NRG3: variants seen among roughly 807,000 people sequenced by gnomAD.
NRG3 encodes pro-neuregulin-3, membrane-bound isoform.
A neutral mutation model predicts 66.9 loss-of-function variants in NRG3; 31 were observed. The observed-to-expected ratio is 0.46, with a 90% CI of 0.35 to 0.63. NRG3 has a LOEUF of 0.63. Ranked by LOEUF, NRG3 falls within the 20% of genes least tolerant of loss-of-function variation. NRG3 has a pLI of 0.00. For synonymous variants in NRG3, 393 were observed against 359.4 expected (o/e 1.09, Z -1.06); for missense variants, 910 against 878.9 (o/e 1.04, Z -0.45).
intron 2 of NRG3, among the ~76,000 whole-genome samples, chr10:82,435,859 G>A (rs1206400544): frequency 6.8e-6 from 1 of 147,972 alleles, no homozygotes; most frequent in Non-Finnish European, 1.5e-5. Context: ...GGTTTTGAGT[G>A]AGTTTCTTAA....
intron 1 of NRG3, among the ~76,000 whole-genome samples, chr10:82,220,764 A>G (rs1556734): frequency 0.11 from 16,709 of 152,206 alleles, 1,021 homozygotes; most frequent in Middle Eastern, 0.18. Context: ...AGTCCTAGCT[A>G]CTAGGGAGAC....
intron 2 of NRG3, among the ~76,000 whole-genome samples, chr10:82,648,219 A>T: frequency 6.6e-6 from 1 of 152,214 alleles, no homozygotes; most frequent in East Asian, 1.9e-4. Context: ...AGCTTTCTAC[A>T]TATGGCTAGC....
chr10:82,814,736 A>G (rs976646192), intron 3 of NRG3, among the ~76,000 whole-genome samples: 4 of 152,216 alleles, frequency 2.6e-5, no homozygotes, highest in African/African-American at 9.6e-5. Flanking sequence ...TATTTTCTGT[A>G]TAATTTAAAA....
At chr10:82,875,854 A>C (rs1841773788) in intron 4 of NRG3, among the ~76,000 whole-genome samples, 3 of 152,232 alleles carry the variant, frequency 2.0e-5, no homozygotes, top group Admixed American at 2.0e-4. Flanking sequence ...AGTCATTAAC[A>C]CATATTGGTA....
intron 4 of NRG3, among the ~76,000 whole-genome samples, chr10:82,917,986 A>G (rs1392547811): frequency 2.5e-5 from 3 of 121,506 alleles, no homozygotes; most frequent in Admixed American, 8.8e-5. Flanking sequence ...ATATATATAT[A>G]TATATATGTA....
At chr10:82,764,781 A>G (rs2059456998) in intron 3 of NRG3, among the ~76,000 whole-genome samples, 1 of 152,208 alleles carries the variant, frequency 6.6e-6, no homozygotes, top group Non-Finnish European at 1.5e-5. Context: ...ATAAGATAGT[A>G]TAAGATGCTG....
chr10:82,731,382 A>AAG (rs66505120), intron 2 of NRG3, among the ~76,000 whole-genome samples: 64,616 of 145,788 alleles, frequency 0.44, 15,744 homozygotes, highest in East Asian at 0.64. Context: ...AAAAAAAAAA[A>AAG]AAAAGAAAAT....
At chr10:82,218,205 G>A (rs1372316939) in intron 1 of NRG3, among the ~76,000 whole-genome samples, 1 of 152,064 alleles carries the variant, frequency 6.6e-6, no homozygotes, top group East Asian at 1.9e-4. Flanking sequence ...ACGAAATAAG[G>A]CTATTTTATA....
At position 81,921,234 on chromosome 10, in the gene NRG3, A is replaced by C. The variant is rs564755715; in HGVS notation, c.823+45071A>C. Among the ~76,000 whole-genome samples, 152 of 152,056 alleles carry C rather than the reference A, an allele frequency of 1.0e-3. 1 individual carries two copies. Among genetic ancestry groups the C allele is most frequent in the African/African-American group, 3.5e-3 (145 of 41,522 alleles). On this transcript the variant is annotated intron_variant, in intron 1 of 8. Coordinates refer to ENST00000372141, the MANE Select transcript of NRG3 (RefSeq NM_001010848.4). ...GGGATTCCATCATATTGTCATGCTA[A>C]TCTCCACTAATTATAATTGCTAATT...
chr10:82,784,094 A>G (rs959919820), intron 3 of NRG3, among the ~76,000 whole-genome samples: 1 of 152,084 alleles, frequency 6.6e-6, no homozygotes, highest in African/African-American at 2.4e-5. Flanking sequence ...CCTGAGAAAA[A>G]CAAGCAATGG....
At chr10:81,906,338 C>G (rs1844603900) in intron 1 of NRG3, among the ~76,000 whole-genome samples, 1 of 152,086 alleles carries the variant, frequency 6.6e-6, no homozygotes, top group South Asian at 2.1e-4. Flanking sequence ...CTCATTTTGT[C>G]CTGAATCACA....
Position 82,320,080 on chromosome 10 carries a change from G to A in NRG3, c.824-38659G>A, listed in dbSNP as rs188233796. Among the ~76,000 whole-genome samples, 28 of 152,236 alleles carry A rather than the reference G, an allele frequency of 1.8e-4. 1 individual carries two copies. The highest frequency in any genetic ancestry group is 6.7e-4 in the African/African-American group (28 of 41,540). ...CGTGTGTCATCTAATAGGCAATGTCGATTTTGCATGCAGTGCACAGGAGCA... is the reference window on the plus strand; with the variant it reads ...CGTGTGTCATCTAATAGGCAATGTCAATTTTGCATGCAGTGCACAGGAGCA... On this transcript the variant is annotated intron_variant, in intron 1 of 8. Coordinates refer to ENST00000372141, the MANE Select transcript of NRG3 (RefSeq NM_001010848.4).
intron 3 of NRG3, among the ~76,000 whole-genome samples, chr10:82,800,366 A>G (rs1455377189): frequency 6.6e-6 from 1 of 152,132 alleles, no homozygotes; most frequent in African/African-American, 2.4e-5. Context: ...GGTGATTATT[A>G]TAACAATTAT....
rs1339579499 is a variant in NRG3 at position 82,012,177 on chromosome 10, T to C, written c.823+136014T>C. On this transcript the variant is annotated intron_variant, in intron 1 of 8. Coordinates refer to ENST00000372141, the MANE Select transcript of NRG3 (RefSeq NM_001010848.4). Reference sequence around the variant, plus strand: ...CAAACCTCAGTTCTTTACTTCTGTGTACCCACATGCTCAACATCACGTGGA... The same window carrying C: ...CAAACCTCAGTTCTTTACTTCTGTGCACCCACATGCTCAACATCACGTGGA... Among the ~76,000 whole-genome samples the C allele has an allele frequency of 2.0e-5, 3 of 152,322 alleles. No individual in the cohort carries two copies. The East Asian group carries it at 5.8e-4, about 29-fold the overall frequency.
At chr10:82,450,080 G>A (rs1251717076) in intron 2 of NRG3, among the ~76,000 whole-genome samples, 3 of 152,260 alleles carry the variant, frequency 2.0e-5, no homozygotes, top group South Asian at 2.1e-4. Context: ...TTTGAGATAT[G>A]CTTTTACTTT....
intron 3 of NRG3, among the ~76,000 whole-genome samples, chr10:82,799,205 C>T (rs887293298): frequency 1.1e-4 from 17 of 151,996 alleles, no homozygotes; most frequent in African/African-American, 3.4e-4. Context: ...AGAAGAGCTC[C>T]GGTGTCTAGA....
intron 3 of NRG3, among the ~76,000 whole-genome samples, chr10:82,756,476 GC>G (rs1441759707): frequency 6.6e-6 from 1 of 152,000 alleles, no homozygotes; most frequent in Non-Finnish European, 1.5e-5. Context: ...TCCTTAATGT[GC>G]CCAGTGTATG....
At chr10:82,907,163 A>T (rs987834637) in intron 4 of NRG3, among the ~76,000 whole-genome samples, 14 of 152,190 alleles carry the variant, frequency 9.2e-5, no homozygotes, top group African/African-American at 3.1e-4. Context: ...TCTACCCTTC[A>T]TGCCTCTAGA....
intron 1 of NRG3, among the ~76,000 whole-genome samples, chr10:82,050,133 A>G (rs7917541): frequency 0.6 from 90,263 of 150,836 alleles, 28,727 homozygotes; most frequent in South Asian, 0.82. Flanking sequence ...CTTTAACTGC[A>G]CTTTGTGTTC....
Sources: allele counts gnomAD v4.1 joint callset (sites outside exome capture counted in the v4.1 genomes callset), GRCh38; gene constraint gnomAD v4.1.1; transcripts MANE v1.5; gene names NCBI Gene and HGNC (gene_info 2026-07-23, HGNC 2026-07-21).